LDLRAD3: variants seen among roughly 807,000 people sequenced by gnomAD.
The protein encoded by LDLRAD3 is low density lipoprotein receptor class A domain containing 3.
A neutral mutation model predicts 29.4 loss-of-function variants in LDLRAD3; 20 were observed. That is an observed-to-expected ratio of 0.68 (90% CI 0.48 to 0.99). LDLRAD3 has a LOEUF of 0.99. LDLRAD3 is among the 50% of genes least tolerant of loss of function. The probability of loss-of-function intolerance (pLI) is 0.00; values close to 1 mark genes in which losing one functional copy is unlikely to be tolerated. For missense variants in LDLRAD3, 420 were observed against 454.3 expected (o/e 0.92, Z 0.69); for synonymous variants, 157 against 192.7 (o/e 0.81, Z 1.53).
chr11:35,990,162 G>A (rs1280521803), intron 1 of LDLRAD3, among the ~76,000 whole-genome samples: 7 of 152,254 alleles, frequency 4.6e-5, no homozygotes, highest in South Asian at 2.1e-4. Context: ...CAGGGTTGCC[G>A]TAAGGATTTT....
In LDLRAD3 at chr11:36,125,350, T is replaced by C. The variant is rs889783201; in HGVS notation, c.454+26889T>C. Among the ~76,000 whole-genome samples the C allele has an allele frequency of 2.0e-5, 3 of 152,226 alleles. No individual in the cohort carries two copies. In the South Asian group the frequency reaches 6.2e-4, roughly 32 times the overall value. On this transcript the variant is annotated intron_variant, in intron 4 of 5. Coordinates refer to ENST00000315571, the MANE Select transcript of LDLRAD3 (RefSeq NM_174902.4). The stretch of plus-strand genomic sequence containing the variant: ...TATGTGACTTTTAGGCGGATGACTT[T>C]CTCTTTCTGTCCTCGTTTTCTCTGC...
intron 2 of LDLRAD3, among the ~76,000 whole-genome samples, chr11:36,063,527 C>T (rs535154763): frequency 1.3e-5 from 2 of 152,282 alleles, no homozygotes; most frequent in Admixed American, 6.5e-5. Flanking sequence ...TTGTGTCTAG[C>T]TTCTTTGACT....
Position 36,228,054 on chromosome 11 carries a change from T to G in LDLRAD3, c.800+624T>G, listed in dbSNP as rs141546845. Among the ~76,000 whole-genome samples the G allele has an allele frequency of 9.3e-4, 142 of 152,308 alleles. 1 individual carries two copies. In the East Asian group the frequency reaches 0.026, roughly 28 times the overall value. ...TGGAATTGTACAAGAACTCCCAGTA[T>G]GTATAAAGCCAGGAAGCAGAGTTCT... On this transcript the variant is annotated intron_variant, in intron 5 of 5. Coordinates refer to ENST00000315571, the MANE Select transcript of LDLRAD3 (RefSeq NM_174902.4).
At position 35,960,843 on chromosome 11, in the gene LDLRAD3, C is replaced by T. The variant is rs184823692; in HGVS notation, c.46+16699C>T. Among the ~76,000 whole-genome samples the T allele has an allele frequency of 1.6e-3, 251 of 152,324 alleles. 2 individuals are homozygous for T. The highest frequency in any genetic ancestry group is 5.9e-3 in the African/African-American group (246 of 41,578). ...AACTCCTGACCTCATGATCCGCCCGCCTCGCCTCCCAAAGTGCTGGGATTA... is the reference window on the plus strand; with the variant it reads ...AACTCCTGACCTCATGATCCGCCCGTCTCGCCTCCCAAAGTGCTGGGATTA... On this transcript the variant is annotated intron_variant, in intron 1 of 5. Coordinates refer to ENST00000315571, the MANE Select transcript of LDLRAD3 (RefSeq NM_174902.4).
chr11:36,155,097 A>G (rs1178255345), intron 4 of LDLRAD3, among the ~76,000 whole-genome samples: 2 of 152,144 alleles, frequency 1.3e-5, no homozygotes, highest in Non-Finnish European at 2.9e-5. Flanking sequence ...TTCATTTGCC[A>G]TCATTTGCTT....
intron 4 of LDLRAD3, among the ~76,000 whole-genome samples, chr11:36,105,560 C>A (rs963986771): frequency 2.6e-5 from 4 of 152,128 alleles, no homozygotes; most frequent in Non-Finnish European, 4.4e-5. Flanking sequence ...GGGCTCTAAT[C>A]TGATATGACC....
At chr11:36,175,087 A>G (rs943100888) in intron 4 of LDLRAD3, among the ~76,000 whole-genome samples, 4 of 152,228 alleles carry the variant, frequency 2.6e-5, no homozygotes, top group Non-Finnish European at 5.9e-5. Flanking sequence ...TACGCTGTTG[A>G]TGGGACTGTA....
At chr11:35,996,986 G>A (rs1451360054) in intron 1 of LDLRAD3, among the ~76,000 whole-genome samples, 2 of 152,088 alleles carry the variant, frequency 1.3e-5, no homozygotes, top group African/African-American at 4.8e-5. Context: ...GCCTTTCTAA[G>A]CCTTAGTTTC....
intron 4 of LDLRAD3, among the ~76,000 whole-genome samples, chr11:36,111,038 G>C (rs1010405349): frequency 2.0e-5 from 3 of 152,206 alleles, no homozygotes; most frequent in Admixed American, 6.5e-5. Context: ...TGTGTGGGGA[G>C]TGGGAGACGT....
At chr11:36,042,154 C>CTCT (rs2133215413) in intron 2 of LDLRAD3, among the ~76,000 whole-genome samples, 1 of 152,192 alleles carries the variant, frequency 6.6e-6, no homozygotes, top group South Asian at 2.1e-4. Flanking sequence ...AGGCTCCATA[C>CTCT]TCTTCCTCTT....
At chr11:36,021,775 GTGACTTACAGGCACATGCCACTA>G (rs2133198035) in intron 1 of LDLRAD3, among the ~76,000 whole-genome samples, 1 of 152,268 alleles carries the variant, frequency 6.6e-6, no homozygotes, top group South Asian at 2.1e-4. Context: ...CTGAGTAGCT[GTGACTTACAGGCACATGCCACTA>G]TGCCTGGCTA....
At chr11:36,196,818 G>A (rs1324927309) in intron 4 of LDLRAD3, 1 of 152,114 alleles carries the variant, frequency 6.6e-6, no homozygotes, top group African/African-American at 2.4e-5. Context: ...ATGCCTACAT[G>A]GTTTTACCCA....
intron 1 of LDLRAD3, among the ~76,000 whole-genome samples, chr11:35,986,657 C>T (rs1460951547): frequency 1.3e-5 from 2 of 152,224 alleles, no homozygotes; most frequent in Non-Finnish European, 2.9e-5. Context: ...AACATTGCCA[C>T]AGCAGGAGAA....
chr11:35,986,719 A>T (rs1851619543), intron 1 of LDLRAD3, among the ~76,000 whole-genome samples: 1 of 152,220 alleles, frequency 6.6e-6, no homozygotes, highest in Non-Finnish European at 1.5e-5. Flanking sequence ...TAAAAGTGAT[A>T]CATGTCCCCT....
At chr11:36,188,006 G>T (rs1479461888) in intron 4 of LDLRAD3, among the ~76,000 whole-genome samples, 2 of 152,124 alleles carry the variant, frequency 1.3e-5, no homozygotes, top group Admixed American at 6.6e-5. Flanking sequence ...TACATAGGTT[G>T]GTGGTTTTTA....
chr11:35,974,685 C>T (rs1363948583), intron 1 of LDLRAD3, among the ~76,000 whole-genome samples: 1 of 152,178 alleles, frequency 6.6e-6, no homozygotes, highest in Non-Finnish European at 1.5e-5. Context: ...TCATGTGGGT[C>T]CTCCATACAG....
At chr11:36,188,971 C>CTTTT (rs34522525) in intron 4 of LDLRAD3, among the ~76,000 whole-genome samples, 1 of 143,446 alleles carries the variant, frequency 7.0e-6, no homozygotes, top group Non-Finnish European at 1.5e-5. Flanking sequence ...CAACCAAGAG[C>CTTTT]TTTTTTTTTT....
rs148723237 is a variant in LDLRAD3, at chr11:36,117,061, G to A, written c.454+18600G>A. On this transcript the variant is annotated intron_variant, in intron 4 of 5. Coordinates refer to ENST00000315571, the MANE Select transcript of LDLRAD3 (RefSeq NM_174902.4). ...TCACCATGTTGGCCAGGCTGGTCTC[G>A]AACTCCTGACCTCAGGTGATCTACC... Among the ~76,000 whole-genome samples, 1,016 of 152,032 alleles carry A rather than the reference G, an allele frequency of 6.7e-3. 13 individuals are homozygous for A. Among genetic ancestry groups the A allele is most frequent in the African/African-American group, 0.023 (942 of 41,428 alleles).
At chr11:35,976,383 A>G (rs773595971) in intron 1 of LDLRAD3, among the ~76,000 whole-genome samples, 4 of 152,064 alleles carry the variant, frequency 2.6e-5, no homozygotes, top group African/African-American at 9.7e-5. Flanking sequence ...GTAGGAGGCA[A>G]TATGGGACTT....
Sources: allele counts gnomAD v4.1 joint callset (sites outside exome capture counted in the v4.1 genomes callset), GRCh38; gene constraint gnomAD v4.1.1; transcripts MANE v1.5; gene names NCBI Gene and HGNC (gene_info 2026-07-23, HGNC 2026-07-21).